The following DTNA variants were observed in gnomAD, a reference collection of about 807,000 sequenced individuals.
The protein encoded by DTNA is dystrophin-related protein 3.
In DTNA, 43 loss-of-function variants were observed where a neutral mutation model predicts 100.7. The ratio of observed to expected loss-of-function variants is 0.43; its 90% confidence interval spans 0.33 to 0.55. The LOEUF is 0.55. DTNA is among the 20% of genes least tolerant of loss of function. The probability of loss-of-function intolerance (pLI) is 0.04; values close to 1 mark genes in which losing one functional copy is unlikely to be tolerated. For missense variants in DTNA, 798 were observed against 953.9 expected (o/e 0.84, Z 2.15); for synonymous variants, 349 against 347.9 (o/e 1.00, Z -0.04).
intron 3 of DTNA, among the ~76,000 whole-genome samples, chr18:34,788,306 C>A (rs2094580494): frequency 6.6e-6 from 1 of 152,114 alleles, no homozygotes; most frequent in Admixed American, 6.5e-5. Context: ...TTTAAATAAA[C>A]AAAAGGCTTA....
chr18:34,802,762 A>T (rs9304139), intron 4 of DTNA, among the ~76,000 whole-genome samples: 3,862 of 152,250 alleles, frequency 0.025, 168 homozygotes, highest in African/African-American at 0.087. Flanking sequence ...CAGAAACATA[A>T]TTTTTTTGTT....
chr18:34,534,942 G>T (rs1252999106), intron 1 of DTNA, among the ~76,000 whole-genome samples: 2 of 152,108 alleles, frequency 1.3e-5, no homozygotes, highest in Non-Finnish European at 2.9e-5. Context: ...AAATAGTGCT[G>T]CAGTAAACAT....
chr18:34,523,782 A>G (rs1351631409), intron 1 of DTNA, among the ~76,000 whole-genome samples: 1 of 152,200 alleles, frequency 6.6e-6, no homozygotes, highest in African/African-American at 2.4e-5. Context: ...TTCGAAGGCT[A>G]TTTTATAATG....
At position 34,864,408 on chromosome 18, in the gene DTNA, C is replaced by T. The variant is rs546772517; in HGVS notation, c.1743+346C>T. ...AGCTGGGACTACAGGCCCCCGCCAC[C>T]GCGCCCGGCTAATGTTTTGTATTTT... On this transcript the variant is annotated intron_variant, in intron 17 of 22. Transcript: ENST00000444659. 9.1e-4 allele frequency among the ~76,000 whole-genome samples: 139 copies of T among 152,238 alleles called. 1 individual carries two copies. Among genetic ancestry groups the T allele is most frequent in the African/African-American group, 3.2e-3 (133 of 41,550 alleles).
chr18:34,790,469 A>G (rs1413487007), intron 3 of DTNA, among the ~76,000 whole-genome samples: 5 of 145,364 alleles, frequency 3.4e-5, no homozygotes, highest in Non-Finnish European at 7.5e-5. Context: ...AGATGAAAAA[A>G]GAAAAGAAAG....
intron 1 of DTNA, among the ~76,000 whole-genome samples, chr18:34,590,250 T>G (rs1197259744): frequency 6.6e-6 from 1 of 152,238 alleles, no homozygotes; most frequent in Non-Finnish European, 1.5e-5. Flanking sequence ...GTAAAGTTTT[T>G]CTACTTTTTC....
intron 3 of DTNA, 77 bp downstream of exon 3, chr18:34,766,118 A>G (rs1372354157): frequency 9.5e-6 from 14 of 1,467,622 alleles, no homozygotes; most frequent in Non-Finnish European, 1.2e-5. Context: ...TTATTAAACT[A>G]GATTCTGTTA....
chr18:34,785,162 C>T (rs564038184), intron 3 of DTNA, among the ~76,000 whole-genome samples: 1 of 152,122 alleles, frequency 6.6e-6, no homozygotes, highest in African/African-American at 2.4e-5. Context: ...ATCCGCCCTC[C>T]TCAGCCTCCC....
intron 13 of DTNA, among the ~76,000 whole-genome samples, chr18:34,843,400 A>G (rs1197679581): frequency 6.6e-6 from 1 of 152,062 alleles, no homozygotes; most frequent in African/African-American, 2.4e-5. Context: ...TCTTTGTATT[A>G]GTTTGCTAAG....
chr18:34,561,375 T>A (rs2046621620), intron 1 of DTNA, among the ~76,000 whole-genome samples: 1 of 152,184 alleles, frequency 6.6e-6, no homozygotes, highest in African/African-American at 2.4e-5. Context: ...TCTCAGGATA[T>A]TTTTTCATGT....
intron 1 of DTNA, among the ~76,000 whole-genome samples, chr18:34,754,164 C>T (rs915413994): frequency 3.9e-5 from 6 of 152,152 alleles, no homozygotes; most frequent in African/African-American, 1.4e-4. Context: ...GCAAATAGTG[C>T]TTCACCCATA....
chr18:34,494,914 C>T (rs552719290), intron 1 of DTNA, among the ~76,000 whole-genome samples: 3 of 151,664 alleles, frequency 2.0e-5, no homozygotes, highest in African/African-American at 7.3e-5. Flanking sequence ...TTGCTTATTC[C>T]AAAGGTGGAA....
intron 1 of DTNA, among the ~76,000 whole-genome samples, chr18:34,751,322 G>A (rs553265174): frequency 7.9e-5 from 12 of 152,284 alleles, no homozygotes; most frequent in East Asian, 7.7e-4. Flanking sequence ...GGACTCTTCC[G>A]TTAGTCGTGT....
chr18:34,716,157 T>G (rs2084018038), intron 1 of DTNA, among the ~76,000 whole-genome samples: 1 of 152,138 alleles, frequency 6.6e-6, no homozygotes, highest in South Asian at 2.1e-4. Context: ...ATAAATAGTC[T>G]AACGTATTTA....
At chr18:34,859,321 T>C (rs1220000684) in intron 16 of DTNA, among the ~76,000 whole-genome samples, 1 of 150,978 alleles carries the variant, frequency 6.6e-6, no homozygotes, top group African/African-American at 2.5e-5. Context: ...CGAAAGCAGA[T>C]TTATTGAAAC....
At chr18:34,868,192 T>C (rs1296032844) in intron 17 of DTNA, 1 of 362,316 alleles carries the variant, frequency 2.8e-6, no homozygotes, top group Non-Finnish European at 3.8e-6. Context: ...GGTGGTTTTA[T>C]CAGTACAGAA....
At chr18:34,747,120 A>ATATATATGTGTG (rs1491208815) in intron 1 of DTNA, among the ~76,000 whole-genome samples, 1 of 132,686 alleles carries the variant, frequency 7.5e-6, no homozygotes, top group African/African-American at 2.7e-5. Context: ...ATATATATAT[A>ATATATATGTGTG]TGTTTATGTA....
chr18:34,766,042 G>A lies in DTNA; in HGVS notation c.148+1G>A, dbSNP rs569911314. ...AGGTTTGTTCAGAAGAAATGCAATT[G>A]TAAGTATGCCAGTTGTTTGGACTAA... On this transcript the variant is annotated splice_donor_variant, in intron 3 of 22. Coordinates refer to ENST00000444659, the MANE Select transcript of DTNA (RefSeq NM_001386795.1). LOFTEE classifies it high-confidence loss of function. The A allele has an allele frequency of 6.2e-7, 1 of 1,613,506 alleles. No individual in the cohort carries two copies. The highest frequency in any genetic ancestry group is 1.3e-5 in the African/African-American group (1 of 74,892).
intron 1 of DTNA, among the ~76,000 whole-genome samples, chr18:34,526,754 T>TC (rs1260440762): frequency 1.3e-5 from 2 of 152,128 alleles, no homozygotes; most frequent in African/African-American, 4.8e-5. Flanking sequence ...ATGCATGATT[T>TC]GTGTTTTTTG....
Sources: allele counts gnomAD v4.1 joint callset (sites outside exome capture counted in the v4.1 genomes callset), GRCh38; gene constraint gnomAD v4.1.1; transcripts MANE v1.5; gene names NCBI Gene and HGNC (gene_info 2026-07-23, HGNC 2026-07-21).